TOLLIP: variants seen among roughly 807,000 people sequenced by gnomAD.
TOLLIP encodes toll interacting protein, also known as toll-interacting protein.
TOLLIP carries 16 observed loss-of-function variants against 33.5 expected under a neutral mutation model. The observed-to-expected ratio is 0.48, with a 90% CI of 0.32 to 0.72. The LOEUF (loss-of-function observed/expected upper bound fraction) is 0.72, where lower values mean the gene tolerates loss of function less well. Ranked by LOEUF, TOLLIP falls within the 30% of genes least tolerant of loss-of-function variation. The pLI is 0.03. For missense variants in TOLLIP, 325 were observed against 396.6 expected, an observed-to-expected ratio of 0.82 and a Z score of 1.53; for synonymous variants, 176 against 163.7, an observed-to-expected ratio of 1.07 and a Z score of -0.57.
chr11:1,296,109 T>C (rs5743933), intron 1 of TOLLIP, among the ~76,000 whole-genome samples: 4,659 of 152,334 alleles, frequency 0.031, 246 homozygotes, highest in African/African-American at 0.11. Flanking sequence ...GGGTCTCCCT[T>C]GCACCATGTG....
chr11:1,300,217 T>C (rs1288131258), intron 1 of TOLLIP, among the ~76,000 whole-genome samples: 1 of 152,220 alleles, frequency 6.6e-6, no homozygotes, highest in African/African-American at 2.4e-5. Context: ...TATTAGTCTG[T>C]TTTAAATATA....
In TOLLIP at chr11:1,276,424, G is replaced by A. The variant is rs955265686; in HGVS notation, c.*615C>T. The stretch of plus-strand genomic sequence containing the variant: ...CAGGTGTGGGTTCATTCTGCCTTCA[G>A]GCCGGAGTCTGTCACAAGGCTGGCT... On this transcript the variant is annotated 3_prime_UTR_variant, in exon 6 of 6. Coordinates refer to ENST00000317204, the MANE Select transcript of TOLLIP (RefSeq NM_019009.4). 3.3e-6 allele frequency: 1 copy of A among 299,926 alleles called. No homozygotes were observed. Among genetic ancestry groups the A allele is most frequent in the Admixed American group, 4.3e-5 (1 of 23,264 alleles). 18.6% of individuals were successfully genotyped at this position (299,926 alleles called of 1,614,324 possible). A position where few individuals can be genotyped will look rare whatever the true frequency, so the allele number is the denominator to read the frequency against.
chr11:1,281,302 T>C (rs1156398858), intron 5 of TOLLIP, among the ~76,000 whole-genome samples: 2 of 152,194 alleles, frequency 1.3e-5, no homozygotes, highest in Non-Finnish European at 2.9e-5. Context: ...GGTCACACTT[T>C]ATTTTTGTGA....
At chr11:1,288,319 G>T (rs777801988) in intron 4 of TOLLIP, among the ~76,000 whole-genome samples, 1 of 152,206 alleles carries the variant, frequency 6.6e-6, no homozygotes, top group Non-Finnish European at 1.5e-5. Flanking sequence ...GGCTGTGGGG[G>T]TCCTCCGAGG....
intron 1 of TOLLIP, among the ~76,000 whole-genome samples, 154 bp downstream of exon 1, chr11:1,309,312 C>G (rs1435582143): frequency 6.6e-6 from 1 of 151,814 alleles, no homozygotes; most frequent in Non-Finnish European, 1.5e-5. Flanking sequence ...GGTGTGGACG[C>G]CGCCGCTCCC....
chr11:1,302,695 A>G, intron 1 of TOLLIP: 1 of 986,134 alleles, frequency 1.0e-6, no homozygotes, highest in Non-Finnish European at 1.2e-6. Flanking sequence ...GCTCCACGCC[A>G]GTCTCCTGGC....
At chr11:1,283,057 C>T (rs1863557518) in intron 5 of TOLLIP, among the ~76,000 whole-genome samples, 1 of 152,240 alleles carries the variant, frequency 6.6e-6, no homozygotes, top group South Asian at 2.1e-4. Flanking sequence ...GCCTCCCACA[C>T]AGGACATATT....
At position 1,276,705 on chromosome 11, in the gene TOLLIP, CA is replaced by C; in HGVS notation, c.*333del. The C allele has an allele frequency of 7.0e-7, 1 of 1,422,168 alleles. No homozygotes were observed. The highest frequency in any genetic ancestry group is 1.4e-5 in the African/African-American group (1 of 70,656). 88.1% of individuals were successfully genotyped at this position (1,422,168 alleles called of 1,614,324 possible). ...TGAATGGAATCGGAAGGCGCTCCACCACCTCCAACACCCTGGCAGAAGCAGC... is the reference window on the plus strand; with the variant it reads ...TGAATGGAATCGGAAGGCGCTCCACCCCTCCAACACCCTGGCAGAAGCAGC... On this transcript the variant is annotated 3_prime_UTR_variant, in exon 6 of 6. Transcript: ENST00000317204.
chr11:1,309,422 C>T, intron 1 of TOLLIP, 44 bp downstream of exon 1: 1 of 1,198,090 alleles, frequency 8.3e-7, no homozygotes, highest in Non-Finnish European at 1.1e-6. Context: ...CCGCCCGCAA[C>T]CGCAGGTCAC....
chr11:1,286,572 C>T (rs1564968613), intron 4 of TOLLIP, among the ~76,000 whole-genome samples: 1 of 152,148 alleles, frequency 6.6e-6, no homozygotes, highest in Non-Finnish European at 1.5e-5. Flanking sequence ...AGTCACTGCA[C>T]CGCTGTCGTC....
intron 5 of TOLLIP, among the ~76,000 whole-genome samples, chr11:1,284,779 T>C (rs1389804046): frequency 1.3e-5 from 2 of 152,214 alleles, no homozygotes; most frequent in Non-Finnish European, 2.9e-5. Context: ...GAGTCTATAA[T>C]GTGAGCAAGT....
chr11:1,308,951 C>G (rs1188546258), intron 1 of TOLLIP, among the ~76,000 whole-genome samples: 1 of 151,024 alleles, frequency 6.6e-6, no homozygotes, highest in Non-Finnish European at 1.5e-5. Context: ...CCGCCTCCAC[C>G]TGGGGGGCCA....
chr11:1,296,818 T>C (rs1193536611), intron 1 of TOLLIP, among the ~76,000 whole-genome samples: 1 of 78,480 alleles, frequency 1.3e-5, no homozygotes, highest in African/African-American at 5.7e-5. Context: ...GATGGAGGAG[T>C]GGGGTGGAGG....
intron 4 of TOLLIP, among the ~76,000 whole-genome samples, chr11:1,286,714 T>C (rs929747287): frequency 6.8e-6 from 1 of 146,682 alleles, no homozygotes; most frequent in African/African-American, 2.6e-5. Flanking sequence ...CTGTCCACTG[T>C]GGATAAGTCA....
intron 1 of TOLLIP, among the ~76,000 whole-genome samples, chr11:1,308,908 G>A (rs1864500510): frequency 1.4e-5 from 2 of 147,834 alleles, no homozygotes; most frequent in Admixed American, 6.7e-5. Context: ...TGCGGGGCCC[G>A]CCTCCATCTA....
intron 4 of TOLLIP, among the ~76,000 whole-genome samples, chr11:1,286,418 T>C (rs1406833117): frequency 1.3e-5 from 2 of 152,224 alleles, no homozygotes; most frequent in African/African-American, 2.4e-5. Flanking sequence ...GGAACCACAC[T>C]GCACTGCTGT....
At position 1,279,543 on chromosome 11, in the gene TOLLIP, G is replaced by C. The variant is rs139784409; in HGVS notation, c.611-2290C>G. On this transcript the variant is annotated intron_variant, in intron 5 of 5. Coordinates refer to ENST00000317204, the MANE Select transcript of TOLLIP (RefSeq NM_019009.4). ...CCATGGGAGCCCGGGGCAGCCCAGA[G>C]CCCACCTGTAGCGGCCCTGGGAGGA... Among the ~76,000 whole-genome samples the C allele has an allele frequency of 2.2e-3, 335 of 152,326 alleles. 5 individuals carry two copies. The highest frequency in any genetic ancestry group is 7.6e-3 in the African/African-American group (318 of 41,578).
At chr11:1,291,522 C>A (rs1485446829) in intron 2 of TOLLIP, among the ~76,000 whole-genome samples, 1 of 150,978 alleles carries the variant, frequency 6.6e-6, no homozygotes, top group Non-Finnish European at 1.5e-5. Flanking sequence ...CCTGTCCTCA[C>A]CACCCACCCC....
intron 2 of TOLLIP, chr11:1,291,962 T>C (rs2133909350): frequency 6.5e-6 from 1 of 152,800 alleles, no homozygotes; most frequent in African/African-American, 2.4e-5. Flanking sequence ...TGTTTTCTAT[T>C]CTTGTCCACA....
Sources: gnomAD v4.1 joint callset for allele counts (sites outside exome capture counted in the v4.1 genomes callset) on GRCh38, gnomAD v4.1.1 for gene constraint, MANE v1.5 for transcripts, NCBI Gene and HGNC (gene_info 2026-07-23, HGNC 2026-07-21) for gene names.